AK6: variants seen among roughly 807,000 people sequenced by gnomAD.
AK6 encodes adenylate kinase 6.
Under a neutral mutation model 23.7 loss-of-function variants are expected in AK6, and 24 were observed. The ratio of observed to expected loss-of-function variants is 1.01; its 90% CI spans 0.73 to 1.43. The LOEUF is 1.43. Ranked by LOEUF, AK6 falls within the 40% of genes most tolerant of loss-of-function variation. The pLI is 0.00. For synonymous variants in AK6, 73 were observed against 69.8 expected (o/e 1.05, Z -0.23); for missense variants, 191 against 199.1 (o/e 0.96, Z 0.24).
chr5:69,363,151 C>T (rs571582426), intron 2 of AK6, among the ~76,000 whole-genome samples: 18 of 151,958 alleles, frequency 1.2e-4, no homozygotes, highest in African/African-American at 4.3e-4. Flanking sequence ...TCACTTTAGC[C>T]CAGGAGTTCA....
chr5:69,369,674 A>G (rs761568971), upstream of AK6: 21 of 1,556,014 alleles, frequency 1.3e-5, no homozygotes, highest in Non-Finnish European at 9.6e-6. Context: ...TCGATGACAC[A>G]TTTCCGTCGC....
chr5:69,354,840 G>T (rs1426672963), intron 4 of AK6, among the ~76,000 whole-genome samples: 1 of 151,660 alleles, frequency 6.6e-6, no homozygotes, highest in African/African-American at 2.4e-5. Context: ...TCTTTTTTTT[G>T]TTTGAGACGG....
Position 69,352,247 on chromosome 5 carries a change from A to G in AK6, c.333T>C (p.Tyr111=), listed in dbSNP as rs1761966665. ...TATTGTCTGTTAGTTTCTTCTCATT[A>G]TAACCCCTAGAAGGCAGGGAGGTTA... ...VLYERLETRG[Y]NEKKLTDNIQ... Residue 111 remains tyrosine (Y), a synonymous_variant, in exon 5 of 5, where the codon TAT becomes TAC. Coordinates refer to ENST00000380822, the MANE Select transcript of AK6 (RefSeq NM_016283.5). 1.9e-6 allele frequency: 3 copies of G among 1,612,594 alleles called. No individual in the cohort carries two copies. The highest frequency in any genetic ancestry group is 2.5e-6 in the Non-Finnish European group (3 of 1,179,240).
chr5:69,363,697 T>C (rs574980263), intron 2 of AK6, among the ~76,000 whole-genome samples: 1 of 151,318 alleles, frequency 6.6e-6, no homozygotes, highest in South Asian at 2.1e-4. Context: ...GGCAGGACAA[T>C]GGCGTGAACC....
Position 69,351,933 on chromosome 5 carries a change from A to G in AK6, c.*128T>C. On this transcript the variant is annotated 3_prime_UTR_variant, in exon 5 of 5. Transcript: ENST00000380822. ...TGGAGAAAAAGAAACACAGGCATAA[A>G]CCTATATACTATCCACCTGCTGGTT... 1 of 583,810 alleles carries G rather than the reference A, an allele frequency of 1.7e-6. No individual in the cohort carries two copies. The highest frequency in any genetic ancestry group is 2.7e-6 in the Non-Finnish European group (1 of 368,606). The allele number at this position is 583,810 out of a possible 1,614,324, so 36.2% of individuals were successfully genotyped here.
upstream of AK6, chr5:69,369,798 T>A (rs1473629676): frequency 3.1e-6 from 4 of 1,295,342 alleles, no homozygotes; most frequent in African/African-American, 1.5e-5. Context: ...CCGACCAGTC[T>A]GGAAGGTCCC....
At chr5:69,365,265 C>T in intron 2 of AK6, 5 of 1,614,140 alleles carry the variant, frequency 3.1e-6, no homozygotes, top group Middle Eastern at 3.3e-4. Context: ...TGTGGGAGTA[C>T]TTGGTCTGCT....
chr5:69,360,268 C>G (rs1393480203), intron 2 of AK6, among the ~76,000 whole-genome samples: 2 of 152,196 alleles, frequency 1.3e-5, no homozygotes, highest in East Asian at 3.9e-4. Flanking sequence ...AGGCACAGCA[C>G]CAGGGGTCTT....
intron 4 of AK6, among the ~76,000 whole-genome samples, chr5:69,355,021 G>T (rs1762045536): frequency 6.6e-6 from 1 of 151,992 alleles, no homozygotes. Flanking sequence ...AGTAGTGACA[G>T]GATTTCACCA....
rs1399744011 is a variant in AK6 at position 69,351,366 on chromosome 5, T to C, written c.*695A>G. 2 of 152,206 alleles carry C rather than the reference T, an allele frequency of 1.3e-5. No individual in the cohort carries two copies. The highest frequency in any genetic ancestry group is 2.9e-5 in the Non-Finnish European group (2 of 68,048). The allele number at this position is 152,206 out of a possible 1,614,324, so 9.4% of individuals were successfully genotyped here. Reference sequence around the variant, plus strand: ...CAAAATGGTAAATTTTATTGTATGATATGTATATCTATCTCAACTAAAAAA... The same window carrying C: ...CAAAATGGTAAATTTTATTGTATGACATGTATATCTATCTCAACTAAAAAA... On this transcript the variant is annotated 3_prime_UTR_variant, in exon 5 of 5. Coordinates refer to ENST00000380822, the MANE Select transcript of AK6 (RefSeq NM_016283.5).
intron 2 of AK6, among the ~76,000 whole-genome samples, chr5:69,363,611 C>T (rs185195455): frequency 7.3e-4 from 111 of 152,014 alleles, no homozygotes; most frequent in African/African-American, 2.2e-3. Context: ...GGTGAAACCC[C>T]GTCTCTACTA....
At chr5:69,363,646 T>C (rs961725150) in intron 2 of AK6, among the ~76,000 whole-genome samples, 26 of 151,280 alleles carry the variant, frequency 1.7e-4, no homozygotes, top group Non-Finnish European at 2.8e-4. Flanking sequence ...TAGCTGGGCG[T>C]GGTGGCAGGT....
intron 2 of AK6, among the ~76,000 whole-genome samples, chr5:69,364,551 C>G (rs1056494912): frequency 6.6e-6 from 1 of 152,160 alleles, no homozygotes; most frequent in Non-Finnish European, 1.5e-5. Flanking sequence ...TCTGAGAGAA[C>G]AGATCACAAG....
chr5:69,352,324 C>T (rs1192847091), intron 4 of AK6, 71 bp from the exon 5 acceptor site: 6 of 1,241,798 alleles, frequency 4.8e-6, no homozygotes, highest in Non-Finnish European at 6.9e-6. Context: ...AGAAACATAC[C>T]AGAAACTGGA....
chr5:69,360,657 A>G lies in AK6; in HGVS notation c.122-4704T>C, dbSNP rs147513983. 4.2e-3 allele frequency among the ~76,000 whole-genome samples: 647 copies of G among 152,282 alleles called. 4 individuals are homozygous for G. The highest frequency in any genetic ancestry group is 7.3e-3 in the Non-Finnish European group (499 of 68,024). On this transcript the variant is annotated intron_variant, in intron 2 of 4. Coordinates refer to ENST00000380822, the MANE Select transcript of AK6 (RefSeq NM_016283.5). ...AGGTGGAAGGGGAAAGACCAGAGGC[A>G]AAGATAGGGAGAGAGCAGTGTCAGA...
chr5:69,369,661 C>T (rs374526036), upstream of AK6: 362 of 1,558,622 alleles, frequency 2.3e-4, 1 homozygote, highest in Non-Finnish European at 3.0e-4. Context: ...GGTTACCTGG[C>T]TTTCGATGAC....
intron 2 of AK6, among the ~76,000 whole-genome samples, chr5:69,359,645 T>C (rs1314095716): frequency 6.6e-6 from 1 of 152,248 alleles, no homozygotes; most frequent in Non-Finnish European, 1.5e-5. Context: ...ACTGCCATCC[T>C]AGAACTTATA....
intron 2 of AK6, among the ~76,000 whole-genome samples, chr5:69,364,587 C>A (rs1374977859): frequency 6.6e-6 from 1 of 152,170 alleles, no homozygotes; most frequent in African/African-American, 2.4e-5. Flanking sequence ...AGAGATCATA[C>A]TATGATCTAT....
chr5:69,369,424 C>T, intron 1 of AK6, 39 bp downstream of exon 1: 2 of 1,603,956 alleles, frequency 1.2e-6, no homozygotes, highest in Non-Finnish European at 8.5e-7. Context: ...GCGCCCCCAG[C>T]CTGCCCCAGC....
Sources: gnomAD v4.1 joint callset for allele counts (sites outside exome capture counted in the v4.1 genomes callset) on GRCh38, gnomAD v4.1.1 for gene constraint, MANE v1.5 for transcripts, NCBI Gene and HGNC (gene_info 2026-07-23, HGNC 2026-07-21) for gene names.